GTF3C4: variants seen among roughly 807,000 people sequenced by gnomAD.
GTF3C4 encodes general transcription factor 3C polypeptide 4.
GTF3C4 carries 28 observed loss-of-function variants against 67.5 expected under a neutral mutation model. The observed-to-expected ratio is 0.41, with a 90% CI of 0.31 to 0.57. GTF3C4 has a LOEUF of 0.57. Ranked by LOEUF, GTF3C4 falls within the 20% of genes least tolerant of loss-of-function variation. The pLI is 0.21. For missense variants in GTF3C4, 831 were observed against 1,033.2 expected (o/e 0.80, Z 2.68); for synonymous variants, 409 against 393.0 (o/e 1.04, Z -0.48).
In GTF3C4 at chr9:132,687,223, G is replaced by A. The variant is rs1230024549; in HGVS notation, c.2316-16G>A. The A allele has an allele frequency of 6.2e-6, 9 of 1,457,802 alleles. No individual in the cohort carries two copies. In the East Asian group the frequency reaches 9.0e-5, roughly 15 times the overall value. 90.3% of individuals were successfully genotyped at this position (1,457,802 alleles called of 1,614,324 possible). A position where few individuals can be genotyped will look rare whatever the true frequency, so the allele number is the denominator to read the frequency against. Reference sequence around the variant, plus strand: ...GCAAACCCTCTCCCTTGCCAATACAGTCTGTCTTCTTTCAGGTGCTTCTTA... The same window carrying A: ...GCAAACCCTCTCCCTTGCCAATACAATCTGTCTTCTTTCAGGTGCTTCTTA... On this transcript the variant is annotated splice_polypyrimidine_tract_variant and intron_variant, in intron 3 of 4. Coordinates refer to ENST00000372146, the MANE Select transcript of GTF3C4 (RefSeq NM_012204.4).
At chr9:132,671,091 G>A (rs1466824349) in intron 1 of GTF3C4, 136 bp downstream of exon 1, 2 of 666,828 alleles carry the variant, frequency 3.0e-6, no homozygotes, top group East Asian at 2.9e-5. Context: ...GATTTATTAA[G>A]CAGCCAGGGT....
chr9:132,670,165 C>T (rs1835658259), upstream of GTF3C4: 1 of 1,593,676 alleles, frequency 6.3e-7, no homozygotes, highest in African/African-American at 1.3e-5. Flanking sequence ...CTGCGTCCCT[C>T]GCGGCCTGGC....
At chr9:132,673,175 T>C (rs1471936365) in intron 1 of GTF3C4, among the ~76,000 whole-genome samples, 2 of 151,910 alleles carry the variant, frequency 1.3e-5, no homozygotes, top group African/African-American at 2.4e-5. Context: ...AGAGCCAGAC[T>C]CCGTCTCAAA....
Position 132,679,150 on chromosome 9 carries a change from C to A in GTF3C4, c.1531C>A (p.Gln511Lys). Residue 511 changes from glutamine (Q) to lysine (K), a missense_variant, in exon 2 of 5, where the codon CAA becomes AAA. Physicochemically the swap from Gln to Lys is moderately conservative, Grantham distance 53 (BLOSUM62 1). Coordinates refer to ENST00000372146, the MANE Select transcript of GTF3C4 (RefSeq NM_012204.4). The surrounding 1 kb of genome is among the most constrained non-coding windows in gnomAD (Gnocchi z 5.9). ...LHPVNKNYQV[Q>K]FVTLKTFEEA... The stretch of plus-strand genomic sequence containing the variant: ...CCCTGTTAACAAAAACTACCAGGTC[C>A]AATTTGTTACTCTCAAAACCTTTGA... 1 of 1,614,150 alleles carries A rather than the reference C, an allele frequency of 6.2e-7. No homozygotes were observed. Among genetic ancestry groups the A allele is most frequent in the South Asian group, 1.1e-5 (1 of 91,084 alleles).
Position 132,677,958 on chromosome 9 carries a change from T to C in GTF3C4, c.358-19T>C. 4.5e-6 allele frequency: 7 copies of C among 1,566,178 alleles called. No individual in the cohort carries two copies. Among genetic ancestry groups the C allele is most frequent in the Non-Finnish European group, 6.0e-6 (7 of 1,159,336 alleles). Reference sequence around the variant, plus strand: ...TGAGTAAATGCTCATCTGATAGTTTTTATATCTCTTATTTTCAGGTTGGCT... The same window carrying C: ...TGAGTAAATGCTCATCTGATAGTTTCTATATCTCTTATTTTCAGGTTGGCT... On this transcript the variant is annotated intron_variant, in intron 1 of 4. Coordinates refer to ENST00000372146, the MANE Select transcript of GTF3C4 (RefSeq NM_012204.4).
At position 132,684,434 on chromosome 9, in the gene GTF3C4, C is replaced by T. The variant is rs553465242; in HGVS notation, c.2315+741C>T. On this transcript the variant is annotated intron_variant, in intron 3 of 4. Transcript: ENST00000372146. ...AGTTACCTTCCATCTGGTCTTCCCACTTCCATCCTTGCCCCTCCAGTCTGT... is the reference window on the plus strand; with the variant it reads ...AGTTACCTTCCATCTGGTCTTCCCATTTCCATCCTTGCCCCTCCAGTCTGT... Among the ~76,000 whole-genome samples the T allele has an allele frequency of 2.0e-5, 3 of 152,328 alleles. 1 individual carries two copies. In the South Asian group the frequency reaches 6.2e-4, roughly 32 times the overall value.
intron 2 of GTF3C4, among the ~76,000 whole-genome samples, chr9:132,680,350 T>G (rs796175562): frequency 2.3e-4 from 35 of 152,358 alleles, no homozygotes; most frequent in African/African-American, 7.9e-4. Flanking sequence ...CTATAGAATT[T>G]AAGTTGCTTA....
Position 132,670,712 on chromosome 9 carries a change from C to A in GTF3C4, c.114C>A (p.Asp38Glu). 1 of 1,525,086 alleles carries A rather than the reference C, an allele frequency of 6.6e-7. No homozygotes were observed. The highest frequency in any genetic ancestry group is 2.5e-5 in the East Asian group (1 of 39,766). The allele number at this position is 1,525,086 out of a possible 1,614,324, so 94.5% of individuals were successfully genotyped here. ...CGGGCGGGAAGGAGCCAGCAGCGGA[C>A]GCGGCCCCGGGGCCCAGCGCTGCAT... ...GEAGGKEPAA[D>E]AAPGPSAAFR... Residue 38 changes from aspartate to glutamate, a missense_variant, in exon 1 of 5, where the codon GAC (aspartate) becomes GAA (glutamate). Physicochemically the swap from Asp to Glu is conservative, Grantham distance 45. Around this residue, in one of 4 missense-constraint regions of GTF3C4, gnomAD observed 237 missense variants for 212.7 expected, o/e 1.11. Transcript: ENST00000372146.
At position 132,678,354 on chromosome 9, in the gene GTF3C4, G is replaced by A; in HGVS notation, c.735G>A (p.Met245Ile). The change falls in exon 2 of 5, where the codon ATG becomes ATA. Residue 245 changes from methionine to isoleucine, a missense_variant. Coordinates refer to ENST00000372146, the MANE Select transcript of GTF3C4 (RefSeq NM_012204.4). The surrounding 1 kb of genome is among the most constrained non-coding windows in gnomAD (Gnocchi z 6.5). Reference protein sequence around the residue: ...DFAEFQRRHSMQTPVRMEWSG... With the variant: ...DFAEFQRRHSIQTPVRMEWSG... ...CTGAGTTTCAGAGGAGACACAGCAT[G>A]CAGACCCCAGTCAGAATGGAGTGGT... The A allele has an allele frequency of 6.2e-7, 1 of 1,614,206 alleles. No homozygotes were observed.
In GTF3C4 at chr9:132,678,154, A is replaced by C; in HGVS notation, c.535A>C (p.Arg179=). The change falls in exon 2 of 5, where the codon AGG becomes CGG. Residue 179 remains arginine, a synonymous_variant. Transcript: ENST00000372146. The surrounding 1 kb of genome is among the most constrained non-coding windows in gnomAD (Gnocchi z 6.5). ...WSPMGCDANG[R]CLLAALTMDN... is the part of the protein sequence containing the mutation. ...TCCCATGGGTTGCGATGCTAATGGC[A>C]GGTGCCTCTTGGCAGCACTGACCAT... 1.2e-6 allele frequency: 2 copies of C among 1,614,222 alleles called. No homozygotes were observed. The highest frequency in any genetic ancestry group is 3.3e-5 in the Admixed American group (2 of 60,028).
At position 132,692,602 on chromosome 9, in the gene GTF3C4, T is replaced by C. The variant is rs922569070; in HGVS notation, c.*3657T>C. On this transcript the variant is annotated 3_prime_UTR_variant, in exon 5 of 5. Transcript: ENST00000372146. Reference sequence around the variant, plus strand: ...GAATGTCTTTACAATTAGCCCACCATGGACTGTTTTGAGTCTCTGCATGGT... The same window carrying C: ...GAATGTCTTTACAATTAGCCCACCACGGACTGTTTTGAGTCTCTGCATGGT... 6.7e-6 allele frequency: 1 copy of C among 149,690 alleles called. No homozygotes were observed. The highest frequency in any genetic ancestry group is 2.4e-5 in the African/African-American group (1 of 41,168). The allele number at this position is 149,690 out of a possible 1,614,324, so 9.3% of individuals were successfully genotyped here.
chr9:132,678,303 C>A lies in GTF3C4; in HGVS notation c.684C>A (p.Ala228=), dbSNP rs763914568. The change falls in exon 2 of 5, where the codon GCC becomes GCA. Residue 228 remains alanine, a synonymous_variant. Coordinates refer to ENST00000372146, the MANE Select transcript of GTF3C4 (RefSeq NM_012204.4). The surrounding 1 kb of genome is among the most constrained non-coding windows in gnomAD (Gnocchi z 6.5). ...GTTACAGGCTCTCTAAAAATGAGGCCCCGGAAGGAAATCTCGGGGATTTTG... is the reference window on the plus strand; with the variant it reads ...GTTACAGGCTCTCTAAAAATGAGGCACCGGAAGGAAATCTCGGGGATTTTG... ...ETSYRLSKNE[A]PEGNLGDFAE... The A allele has an allele frequency of 1.2e-6, 2 of 1,614,074 alleles. No individual in the cohort carries two copies. Among genetic ancestry groups the A allele is most frequent in the Non-Finnish European group, 1.7e-6 (2 of 1,180,008 alleles).
intron 3 of GTF3C4, among the ~76,000 whole-genome samples, chr9:132,684,232 A>G (rs1442031089): frequency 6.6e-6 from 1 of 152,152 alleles, no homozygotes; most frequent in Non-Finnish European, 1.5e-5. Context: ...TGATTTAAAC[A>G]TAGAGTTTTT....
intron 1 of GTF3C4, among the ~76,000 whole-genome samples, chr9:132,676,306 A>T (rs1436061673): frequency 7.0e-6 from 1 of 142,098 alleles, no homozygotes; most frequent in East Asian, 2.1e-4. Flanking sequence ...TTTGTTATTT[A>T]TGTACCATTT....
At chr9:132,675,091 G>T (rs546069937) in intron 1 of GTF3C4, among the ~76,000 whole-genome samples, 1 of 152,252 alleles carries the variant, frequency 6.6e-6, no homozygotes, top group Admixed American at 6.5e-5. Flanking sequence ...ACTTTATTGA[G>T]CGCTTAATAT....
intron 1 of GTF3C4, among the ~76,000 whole-genome samples, chr9:132,672,248 G>A (rs757155051): frequency 6.6e-6 from 1 of 152,184 alleles, no homozygotes; most frequent in Non-Finnish European, 1.5e-5. Context: ...CTGTTTCCAA[G>A]GATGTTCATC....
rs942320419 is a variant in GTF3C4, at chr9:132,690,678, C to A, written c.*1733C>A. The A allele has an allele frequency of 6.6e-6, 1 of 152,028 alleles. No individual in the cohort carries two copies. Among genetic ancestry groups the A allele is most frequent in the African/African-American group, 2.4e-5 (1 of 41,390 alleles). The allele number at this position is 152,028 out of a possible 1,614,324, so 9.4% of individuals were successfully genotyped here. On this transcript the variant is annotated 3_prime_UTR_variant, in exon 5 of 5. Coordinates refer to ENST00000372146, the MANE Select transcript of GTF3C4 (RefSeq NM_012204.4). ...GGTAATTTCAAGAAGAGCGTTTATC[C>A]ACTATTGATTTTCAAGAAAGAAACC...
chr9:132,680,596 T>G (rs1417491915), intron 2 of GTF3C4, among the ~76,000 whole-genome samples: 1 of 152,242 alleles, frequency 6.6e-6, no homozygotes, highest in Non-Finnish European at 1.5e-5. Flanking sequence ...CAAAGACTGA[T>G]ACTTACTGAC....
chr9:132,688,613 A>C (rs1836065424), intron 4 of GTF3C4, among the ~76,000 whole-genome samples: 1 of 152,192 alleles, frequency 6.6e-6, no homozygotes. Context: ...AAATTGAATA[A>C]ATTTAGCTTT....
Sources: allele counts gnomAD v4.1 joint callset (sites outside exome capture counted in the v4.1 genomes callset), GRCh38; gene constraint gnomAD v4.1.1; regional missense constraint gnomAD v4.1.1; non-coding constraint Gnocchi (gnomAD v3.1); transcripts MANE v1.5; gene names NCBI Gene and HGNC (gene_info 2026-07-23, HGNC 2026-07-21).